The following ERG variants were observed in gnomAD, a reference collection of about 807,000 sequenced individuals.
ERG encodes the protein ETS transcription factor ERG.
Under a neutral mutation model 55.3 loss-of-function variants are expected in ERG, and 9 were observed. The ratio of observed to expected loss-of-function variants is 0.16; its 90% confidence interval spans 0.10 to 0.28. ERG has a LOEUF of 0.28. Ranked by LOEUF, ERG falls within the 10% of genes least tolerant of loss-of-function variation. ERG has a pLI of 1.00. For synonymous variants in ERG, 223 were observed against 237.3 expected (o/e 0.94, Z 0.55); for missense variants, 434 against 631.6 (o/e 0.69, Z 3.35).
chr21:38,653,566 A>G (rs567635864), intron 1 of ERG, among the ~76,000 whole-genome samples: 2 of 152,326 alleles, frequency 1.3e-5, no homozygotes, highest in African/African-American at 4.8e-5. Flanking sequence ...AAACTTAGCT[A>G]TTTAAAGTAA....
At chr21:38,429,269 C>G (rs116804213) in intron 2 of ERG, among the ~76,000 whole-genome samples, 25 of 150,784 alleles carry the variant, frequency 1.7e-4, no homozygotes, top group Non-Finnish European at 2.8e-4. Context: ...TATACACACA[C>G]GCATATATAC....
chr21:38,526,267 G>C (rs2146760079), intron 2 of ERG, among the ~76,000 whole-genome samples: 1 of 152,258 alleles, frequency 6.6e-6, no homozygotes, highest in South Asian at 2.1e-4. Flanking sequence ...TAGGGATTAG[G>C]ATAAAAATGT....
the ERG span, chr21:38,367,738 C>T: frequency 4.3e-6 from 2 of 462,810 alleles, no homozygotes; most frequent in Non-Finnish European, 4.2e-6. Context: ...GAATTCTGCA[C>T]AGACTTTCAT....
downstream of ERG, among the ~76,000 whole-genome samples, chr21:38,377,859 A>G (rs543787464): frequency 8.5e-5 from 13 of 152,258 alleles, no homozygotes; most frequent in African/African-American, 2.6e-4. Flanking sequence ...GCTGTGACCA[A>G]CCACCCTCAG....
chr21:38,544,546 G>A (rs2059775959), intron 2 of ERG, among the ~76,000 whole-genome samples: 1 of 152,158 alleles, frequency 6.6e-6, no homozygotes, highest in African/African-American at 2.4e-5. Context: ...GAAATGTCTG[G>A]AACTAAACAT....
chr21:38,393,152 C>T (rs1183774159), intron 6 of ERG, among the ~76,000 whole-genome samples: 1 of 152,158 alleles, frequency 6.6e-6, no homozygotes, highest in Non-Finnish European at 1.5e-5. Context: ...TTAATGATGA[C>T]CTTCTGAGCT....
At chr21:38,616,607 G>T (rs955081048) in intron 1 of ERG, among the ~76,000 whole-genome samples, 2 of 151,846 alleles carry the variant, frequency 1.3e-5, no homozygotes, top group Admixed American at 1.3e-4. Context: ...TTCTGGTTTG[G>T]ACTGGACTGG....
intron 1 of ERG, among the ~76,000 whole-genome samples, chr21:38,461,127 G>GCCCCT (rs2059038472): frequency 1.3e-5 from 2 of 152,202 alleles, no homozygotes; most frequent in Non-Finnish European, 2.9e-5. Flanking sequence ...AGGGGCTTAA[G>GCCCCT]CAACAGACAT....
chr21:38,411,594 C>A (rs1019966751), intron 3 of ERG, among the ~76,000 whole-genome samples: 1 of 152,228 alleles, frequency 6.6e-6, no homozygotes, highest in Non-Finnish European at 1.5e-5. Flanking sequence ...AGGCGTGAGC[C>A]ACCATGCCCA....
At chr21:38,514,566 T>C (rs2059537797) in intron 2 of ERG, among the ~76,000 whole-genome samples, 1 of 151,868 alleles carries the variant, frequency 6.6e-6, no homozygotes, top group African/African-American at 2.4e-5. Context: ...CTTAGTAAAT[T>C]AGAAATAAAG....
intron 1 of ERG, among the ~76,000 whole-genome samples, chr21:38,639,889 C>T (rs760524092): frequency 1.3e-5 from 2 of 152,136 alleles, no homozygotes; most frequent in Non-Finnish European, 2.9e-5. Flanking sequence ...AGCATGAAAA[C>T]CAACAGAATC....
intron 1 of ERG, among the ~76,000 whole-genome samples, chr21:38,577,140 C>T (rs906326377): frequency 6.6e-5 from 10 of 152,166 alleles, no homozygotes; most frequent in African/African-American, 2.4e-4. Flanking sequence ...TTTTCGAAGG[C>T]TGTCTTTCAA....
At chr21:38,550,876 C>G (rs189087777) in intron 2 of ERG, among the ~76,000 whole-genome samples, 298 of 152,292 alleles carry the variant, frequency 2.0e-3, no homozygotes, top group African/African-American at 6.6e-3. Context: ...GCAAGGGTAG[C>G]AGTCAGGAAT....
chr21:38,501,105 G>A (rs989864859), upstream of ERG, among the ~76,000 whole-genome samples: 7 of 119,780 alleles, frequency 5.8e-5, no homozygotes, highest in African/African-American at 2.0e-4. Context: ...TCTTGCTGTC[G>A]CCCAGGCTGG....
At chr21:38,376,807 A>G (rs979410305), downstream of ERG, among the ~76,000 whole-genome samples, 3 of 152,214 alleles carry the variant, frequency 2.0e-5, no homozygotes, top group Non-Finnish European at 2.9e-5. Flanking sequence ...CCAGAAGAGC[A>G]CCTGCAGCAC....
At position 38,451,186 on chromosome 21, in the gene ERG, G is replaced by A. The variant is rs776281411; in HGVS notation, c.19-5565C>T. 5.7e-5 allele frequency: 29 copies of A among 507,330 alleles called. 1 individual carries two copies. Among genetic ancestry groups the A allele is most frequent in the South Asian group, 3.8e-4 (26 of 68,794 alleles). The allele number at this position is 507,330 out of a possible 1,614,324, so 31.4% of individuals were successfully genotyped here. A position where few individuals can be genotyped will look rare whatever the true frequency, so the allele number is the denominator to read the frequency against. Reference sequence around the variant, plus strand: ...AGAAAGATGAAGGGATAAGTGTCCAGAATCCCTGGATCTGGGATGGAATAA... The same window carrying A: ...AGAAAGATGAAGGGATAAGTGTCCAAAATCCCTGGATCTGGGATGGAATAA... On this transcript the variant is annotated intron_variant, in intron 1 of 9. Transcript: ENST00000288319.
chr21:38,499,268 T>C (rs1171033838), upstream of ERG, among the ~76,000 whole-genome samples: 11 of 152,326 alleles, frequency 7.2e-5, no homozygotes, highest in East Asian at 1.5e-3. Context: ...CAGATCCTCA[T>C]AGAACTTTTG....
At chr21:38,527,130 C>T (rs1480136948) in intron 2 of ERG, among the ~76,000 whole-genome samples, 1 of 152,206 alleles carries the variant, frequency 6.6e-6, no homozygotes, top group Non-Finnish European at 1.5e-5. Context: ...CTCTCTAAAA[C>T]AATCAGGCAC....
intron 1 of ERG, among the ~76,000 whole-genome samples, chr21:38,629,478 G>A (rs184917694): frequency 6.6e-4 from 100 of 152,294 alleles, no homozygotes; most frequent in African/African-American, 2.3e-3. Flanking sequence ...TCAAAAATGG[G>A]CAAAGGACAT....
Sources: gnomAD v4.1 joint callset for allele counts (sites outside exome capture counted in the v4.1 genomes callset) on GRCh38, gnomAD v4.1.1 for gene constraint, MANE v1.5 for transcripts, NCBI Gene and HGNC (gene_info 2026-07-23, HGNC 2026-07-21) for gene names.